The following ZBTB20 variants were observed in gnomAD, a reference collection of about 807,000 sequenced individuals.
The protein encoded by ZBTB20 is zinc finger and BTB domain-containing protein 20.
A neutral mutation model predicts 56.9 loss-of-function variants in ZBTB20; 9 were observed. The observed-to-expected ratio is 0.16, with a 90% CI of 0.10 to 0.28. The LOEUF (loss-of-function observed/expected upper bound fraction) is 0.28, where lower values mean the gene tolerates loss of function less well. Ranked by LOEUF, ZBTB20 falls within the 10% of genes least tolerant of loss-of-function variation. ZBTB20 has a pLI of 1.00. For missense variants in ZBTB20, 655 were observed against 1,003.0 expected (o/e 0.65, Z 4.69); for synonymous variants, 417 against 420.7 (o/e 0.99, Z 0.11).
At chr3:115,136,477 C>G (rs915639009) in intron 1 of ZBTB20, among the ~76,000 whole-genome samples, 18 of 149,002 alleles carry the variant, frequency 1.2e-4, no homozygotes, top group Admixed American at 3.3e-4. Context: ...GTTAAGTGTA[C>G]TATAATTCTA....
chr3:114,952,053 G>A (rs2077083824), intron 3 of ZBTB20, among the ~76,000 whole-genome samples: 1 of 152,026 alleles, frequency 6.6e-6, no homozygotes, highest in Non-Finnish European at 1.5e-5. Context: ...AAAAAAAGTG[G>A]CTCAGAAACC....
intron 10 of ZBTB20, among the ~76,000 whole-genome samples, chr3:114,354,482 A>C (rs2081003997): frequency 6.6e-6 from 1 of 151,822 alleles, no homozygotes; most frequent in African/African-American, 2.4e-5. Context: ...GTATCCATGT[A>C]GTGTTTGACT....
intron 10 of ZBTB20, among the ~76,000 whole-genome samples, chr3:114,376,869 G>A (rs983811642): frequency 6.6e-6 from 1 of 152,184 alleles, no homozygotes; most frequent in Non-Finnish European, 1.5e-5. Flanking sequence ...CAGAAGTAGG[G>A]AGGACGGCCA....
intron 7 of ZBTB20, among the ~76,000 whole-genome samples, chr3:114,441,009 C>T (rs970739307): frequency 6.6e-6 from 1 of 152,194 alleles, no homozygotes; most frequent in Non-Finnish European, 1.5e-5. Context: ...ATGGGCCTCA[C>T]TGTTTTTTGG....
At chr3:114,534,017 C>T (rs1054526827) in intron 6 of ZBTB20, among the ~76,000 whole-genome samples, 1 of 152,148 alleles carries the variant, frequency 6.6e-6, no homozygotes, top group Non-Finnish European at 1.5e-5. Flanking sequence ...AAAACCGGTA[C>T]CAGCCACTGC....
chr3:114,836,600 C>A (rs1420289162), intron 4 of ZBTB20, among the ~76,000 whole-genome samples: 1 of 152,182 alleles, frequency 6.6e-6, no homozygotes, highest in Non-Finnish European at 1.5e-5. Flanking sequence ...TCTGCCCTGA[C>A]AGTTGATCAG....
intron 2 of ZBTB20, among the ~76,000 whole-genome samples, chr3:114,981,395 A>C (rs1392495867): frequency 6.6e-6 from 1 of 152,132 alleles, no homozygotes. Context: ...GTTTCCTTTA[A>C]GGACAATTGC....
intron 5 of ZBTB20, among the ~76,000 whole-genome samples, chr3:114,711,819 T>C (rs926431302): frequency 3.9e-5 from 6 of 152,194 alleles, no homozygotes; most frequent in Non-Finnish European, 2.9e-5. Flanking sequence ...TAAATGTTTA[T>C]TAAACAGATG....
At chr3:114,458,565 T>C (rs560289244) in intron 7 of ZBTB20, among the ~76,000 whole-genome samples, 3 of 152,282 alleles carry the variant, frequency 2.0e-5, no homozygotes, top group African/African-American at 7.2e-5. Context: ...CATGATAAGC[T>C]GATTTTCTTA....
At position 114,351,134 on chromosome 3, in the gene ZBTB20, G is replaced by A. The variant is rs2080631604; in HGVS notation, c.944C>T (p.Pro315Leu). Residue 315 changes from proline (P) to leucine (L), a missense_variant, in exon 11 of 12, where the codon CCC (proline) becomes CTC (leucine). Around this residue, in one of 10 missense-constraint regions of ZBTB20, gnomAD observed 167 missense variants for 281.9 expected, o/e 0.59. Transcript: ENST00000675478. The stretch of plus-strand genomic sequence containing the variant: ...TAGGGTCTGGATGCGCACAGGCCGG[G>A]GCTGCTTGCGGCAGTGCGTGGTCTC... Reference protein sequence around the residue: ...TPETTHCRKQPRPVRIQTLVG... With the variant: ...TPETTHCRKQLRPVRIQTLVG... 1.2e-6 allele frequency: 2 copies of A among 1,605,564 alleles called. No individual in the cohort carries two copies. Among genetic ancestry groups the A allele is most frequent in the South Asian group, 2.2e-5 (2 of 90,902 alleles).
At chr3:115,143,396 T>C (rs1192188621) in intron 1 of ZBTB20, among the ~76,000 whole-genome samples, 2 of 152,156 alleles carry the variant, frequency 1.3e-5, no homozygotes, top group African/African-American at 2.4e-5. Context: ...CTAGGCATGG[T>C]GGCATGCACC....
chr3:114,992,504 T>C (rs1167529746), intron 2 of ZBTB20, among the ~76,000 whole-genome samples: 1 of 151,946 alleles, frequency 6.6e-6, no homozygotes, highest in Non-Finnish European at 1.5e-5. Context: ...GGGAAATCTC[T>C]GGGTGTCAGA....
At chr3:114,454,175 G>GGAGAGAGAGAGAGAGAGAGA (rs71146322) in intron 7 of ZBTB20, among the ~76,000 whole-genome samples, 37 of 116,688 alleles carry the variant, frequency 3.2e-4, no homozygotes, top group African/African-American at 5.6e-4. Flanking sequence ...AAAAGAGAAG[G>GGAGAGAGAGAGAGAGAGAGA]GAGAGAGAGA....
chr3:114,520,984 C>T (rs573279144), intron 6 of ZBTB20, among the ~76,000 whole-genome samples: 1 of 152,084 alleles, frequency 6.6e-6, no homozygotes, highest in African/African-American at 2.4e-5. Flanking sequence ...ATCCTAATAA[C>T]CAAAGGAGGC....
chr3:114,594,422 A>G (rs984953317), intron 6 of ZBTB20, among the ~76,000 whole-genome samples: 1 of 151,988 alleles, frequency 6.6e-6, no homozygotes, highest in African/African-American at 2.4e-5. Flanking sequence ...ACATGTCACT[A>G]CACCGGGCTA....
chr3:114,444,663 CA>C (rs1056048490), intron 7 of ZBTB20, among the ~76,000 whole-genome samples: 1 of 152,046 alleles, frequency 6.6e-6, no homozygotes, highest in African/African-American at 2.4e-5. Context: ...TTCTTATTGG[CA>C]AAATGAGTAG....
intron 6 of ZBTB20, among the ~76,000 whole-genome samples, chr3:114,667,945 G>A (rs184943659): frequency 2.6e-5 from 4 of 151,988 alleles, no homozygotes; most frequent in Admixed American, 2.6e-4. Context: ...TGGAAATGGG[G>A]ATTATAAAAT....
intron 6 of ZBTB20, among the ~76,000 whole-genome samples, chr3:114,576,740 C>G (rs1359155072): frequency 6.6e-6 from 1 of 151,152 alleles, no homozygotes; most frequent in Non-Finnish European, 1.5e-5. Context: ...TACTTTAAAA[C>G]TTCAAATTGC....
intron 4 of ZBTB20, among the ~76,000 whole-genome samples, chr3:114,818,922 TAAAAG>T (rs907581603): frequency 1.8e-4 from 27 of 151,884 alleles, no homozygotes; most frequent in Admixed American, 1.3e-4. Flanking sequence ...CAAAAGAACT[TAAAAG>T]AAATTATTAA....
Sources: allele counts gnomAD v4.1 joint callset (sites outside exome capture counted in the v4.1 genomes callset), GRCh38; gene constraint gnomAD v4.1.1; regional missense constraint gnomAD v4.1.1; transcripts MANE v1.5; gene names NCBI Gene and HGNC (gene_info 2026-07-23, HGNC 2026-07-21).